NUDT3: variants seen among roughly 807,000 people sequenced by gnomAD.
The protein encoded by NUDT3 is diphosphoinositol polyphosphate phosphohydrolase 1.
Under a neutral mutation model 23.6 loss-of-function variants are expected in NUDT3, and 9 were observed. The observed-to-expected ratio is 0.38, with a 90% confidence interval of 0.23 to 0.66. NUDT3 has a LOEUF of 0.66. Ranked by LOEUF, NUDT3 falls within the 30% of genes least tolerant of loss-of-function variation. The pLI, the probability that NUDT3 is intolerant of heterozygous loss-of-function variation, is 0.52. For missense variants in NUDT3, 172 were observed against 218.5 expected, an observed-to-expected ratio of 0.79 and a Z score of 1.34; for synonymous variants, 86 against 82.6, an observed-to-expected ratio of 1.04 and a Z score of -0.22.
chr6:34,363,551 T>C (rs992277546), intron 1 of NUDT3, among the ~76,000 whole-genome samples: 3 of 152,164 alleles, frequency 2.0e-5, no homozygotes, highest in Non-Finnish European at 2.9e-5. Context: ...TTAGAGAGTC[T>C]TGGCAGTGGG....
intron 2 of NUDT3, among the ~76,000 whole-genome samples, chr6:34,297,760 A>ATTTTTT (rs1348385184): frequency 2.8e-4 from 15 of 53,614 alleles, no homozygotes; most frequent in African/African-American, 1.1e-3. Flanking sequence ...TATATATATA[A>ATTTTTT]TTTTTTTTTT....
At chr6:34,363,238 A>C (rs1764676457) in intron 1 of NUDT3, among the ~76,000 whole-genome samples, 1 of 152,182 alleles carries the variant, frequency 6.6e-6, no homozygotes, top group African/African-American at 2.4e-5. Context: ...ATTGGGTTCT[A>C]GGGCAGCAGA....
chr6:34,374,976 T>C (rs556916447), intron 1 of NUDT3, among the ~76,000 whole-genome samples: 1 of 152,330 alleles, frequency 6.6e-6, no homozygotes, highest in South Asian at 2.1e-4. Context: ...CCAGCGTCTA[T>C]ATGCAAAGGG....
intron 1 of NUDT3, among the ~76,000 whole-genome samples, chr6:34,388,177 C>T (rs906597748): frequency 2.6e-5 from 4 of 152,158 alleles, no homozygotes; most frequent in Non-Finnish European, 4.4e-5. Flanking sequence ...GTGCAGTAGG[C>T]TATACCATCC....
chr6:34,296,800 A>C (rs1763506381), intron 2 of NUDT3, among the ~76,000 whole-genome samples: 1 of 152,194 alleles, frequency 6.6e-6, no homozygotes, highest in African/African-American at 2.4e-5. Flanking sequence ...GGCACCCTGC[A>C]AGAACTCAAG....
chr6:34,313,551 T>A (rs1303542791), intron 2 of NUDT3, among the ~76,000 whole-genome samples: 6 of 152,110 alleles, frequency 3.9e-5, no homozygotes, highest in African/African-American at 9.7e-5. Context: ...GTAGCAAATG[T>A]ACTGCTGTGG....
intron 2 of NUDT3, among the ~76,000 whole-genome samples, chr6:34,334,250 C>T (rs1764172180): frequency 1.3e-5 from 2 of 152,208 alleles, no homozygotes; most frequent in African/African-American, 4.8e-5. Context: ...ATTGCAGTTG[C>T]ATTTCTGTAG....
intron 1 of NUDT3, among the ~76,000 whole-genome samples, chr6:34,380,939 T>C (rs1196143803): frequency 6.6e-6 from 1 of 152,228 alleles, no homozygotes; most frequent in Non-Finnish European, 1.5e-5. Flanking sequence ...CCTGACACTC[T>C]AGCTCATCTT....
Position 34,392,405 on chromosome 6 carries a change from G to A in NUDT3, c.-43C>T. On this transcript the variant is annotated 5_prime_UTR_variant, in exon 1 of 5. Coordinates refer to ENST00000607016, the MANE Select transcript of NUDT3 (RefSeq NM_006703.4). The stretch of plus-strand genomic sequence containing the variant: ...GGGTGCGGTGCGGGTCGCAGGAGTC[G>A]AGGGGTGGGGAGCCCGCTCTGGACG... 5 of 1,487,776 alleles carry A rather than the reference G, an allele frequency of 3.4e-6. No individual in the cohort carries two copies. Among genetic ancestry groups the A allele is most frequent in the Non-Finnish European group, 4.6e-6 (5 of 1,090,940 alleles). The allele number at this position is 1,487,776 out of a possible 1,614,324, so 92.2% of individuals were successfully genotyped here. A position where few individuals can be genotyped will look rare whatever the true frequency, so the allele number is the denominator to read the frequency against.
intron 2 of NUDT3, among the ~76,000 whole-genome samples, chr6:34,334,671 C>T (rs776848151): frequency 2.7e-5 from 4 of 149,934 alleles, no homozygotes; most frequent in African/African-American, 7.4e-5. Flanking sequence ...CCAAGTACAA[C>T]GGCCTACACC....
chr6:34,319,727 T>C (rs1763911797), intron 2 of NUDT3, among the ~76,000 whole-genome samples: 1 of 152,230 alleles, frequency 6.6e-6, no homozygotes, highest in Non-Finnish European at 1.5e-5. Flanking sequence ...TTCAGATTCT[T>C]CTTGGCCTTT....
At position 34,392,645 on chromosome 6, in the gene NUDT3, C is replaced by T. The variant is rs919126007; in HGVS notation, c.-283G>A. The stretch of plus-strand genomic sequence containing the variant: ...CCCCCGACGACGACCGCGCCGCCAT[C>T]TTGGGCGCGATGCGTCAGCGGCGTA... On this transcript the variant is annotated 5_prime_UTR_variant, in exon 1 of 5. Transcript: ENST00000607016. 3.1e-5 allele frequency: 7 copies of T among 223,740 alleles called. No individual in the cohort carries two copies. Among genetic ancestry groups the T allele is most frequent in the East Asian group, 1.9e-4 (2 of 10,408 alleles). The allele number at this position is 223,740 out of a possible 1,614,324, so 13.9% of individuals were successfully genotyped here. A position where few individuals can be genotyped will look rare whatever the true frequency, so the allele number is the denominator to read the frequency against.
At chr6:34,361,978 T>C (rs1561918775) in intron 1 of NUDT3, among the ~76,000 whole-genome samples, 1 of 152,178 alleles carries the variant, frequency 6.6e-6, no homozygotes, top group Non-Finnish European at 1.5e-5. Flanking sequence ...AACTCTAATG[T>C]AAAGTATGGG....
At chr6:34,294,101 A>G (rs1165799062) in intron 3 of NUDT3, among the ~76,000 whole-genome samples, 1 of 152,094 alleles carries the variant, frequency 6.6e-6, no homozygotes, top group African/African-American at 2.4e-5. Flanking sequence ...TGATCTTCTC[A>G]CCTCAGCTTC....
At chr6:34,316,793 G>A (rs1325155644) in intron 2 of NUDT3, among the ~76,000 whole-genome samples, 1 of 152,202 alleles carries the variant, frequency 6.6e-6, no homozygotes, top group Admixed American at 6.5e-5. Flanking sequence ...AGGGGAGTGA[G>A]AGCTGAGGTC....
intron 1 of NUDT3, among the ~76,000 whole-genome samples, chr6:34,362,016 A>T (rs1464937944): frequency 6.6e-6 from 1 of 152,182 alleles, no homozygotes; most frequent in East Asian, 1.9e-4. Context: ...GTGTCATAGT[A>T]GGCTCACTGA....
intron 1 of NUDT3, among the ~76,000 whole-genome samples, chr6:34,380,212 C>T (rs1231345454): frequency 1.3e-5 from 2 of 151,952 alleles, no homozygotes; most frequent in Non-Finnish European, 2.9e-5. Context: ...CCACCACGCC[C>T]GGCTAATTTT....
intron 2 of NUDT3, among the ~76,000 whole-genome samples, chr6:34,308,850 G>T (rs1193752316): frequency 2.6e-5 from 4 of 152,050 alleles, no homozygotes; most frequent in Admixed American, 1.3e-4. Context: ...ATTACTGTTG[G>T]GGACTTCAAT....
chr6:34,300,546 C>T (rs1025632633), intron 2 of NUDT3, among the ~76,000 whole-genome samples: 2 of 152,162 alleles, frequency 1.3e-5, no homozygotes, highest in East Asian at 1.9e-4. Context: ...TTTCCCACCA[C>T]GATAAAAAGA....
Sources: gnomAD v4.1 joint callset for allele counts (sites outside exome capture counted in the v4.1 genomes callset) on GRCh38, gnomAD v4.1.1 for gene constraint, MANE v1.5 for transcripts, NCBI Gene and HGNC (gene_info 2026-07-23, HGNC 2026-07-21) for gene names.